SHISA9: variants seen among roughly 807,000 people sequenced by gnomAD.
SHISA9 encodes shisa family member 9.
In SHISA9, 13 loss-of-function variants were observed where a neutral mutation model predicts 38.0. The observed-to-expected ratio is 0.34, with a 90% CI of 0.22 to 0.54. The LOEUF is 0.54. SHISA9 is among the 20% of genes least tolerant of loss of function. The probability of loss-of-function intolerance (pLI) is 0.91; values close to 1 mark genes in which losing one functional copy is unlikely to be tolerated. For synonymous variants in SHISA9, 275 were observed against 242.0 expected (o/e 1.14, Z -1.27); for missense variants, 538 against 575.8 (o/e 0.93, Z 0.67).
chr16:13,213,042 C>G (rs1051263353), intron 3 of SHISA9, among the ~76,000 whole-genome samples: 4 of 152,142 alleles, frequency 2.6e-5, no homozygotes, highest in Admixed American at 1.3e-4. Context: ...TGGGTGTTAA[C>G]GTGAGGCTGC....
Position 13,173,151 on chromosome 16 carries a change from G to GCGCA in SHISA9, c.692-30241_692-30238dup, listed in dbSNP as rs1259932770. On this transcript the variant is annotated intron_variant, in intron 2 of 4. Coordinates refer to ENST00000558583, the MANE Select transcript of SHISA9 (RefSeq NM_001145204.3). ...TTTATCAGTCAGAAGAGATGCACGT[G>GCGCA]CGCACACACACACACACACACACAC... Among the ~76,000 whole-genome samples the GCGCA allele has an allele frequency of 7.7e-5, 3 of 38,914 alleles. No individual in the cohort carries two copies. The Admixed American group carries it at 9.1e-4, about 12-fold the overall frequency. 25.5% of individuals were successfully genotyped at this position (38,914 alleles called of 152,430 possible).
the SHISA9 span, among the ~76,000 whole-genome samples, chr16:13,553,874 C>G: frequency 6.6e-6 from 1 of 152,004 alleles, no homozygotes; most frequent in East Asian, 1.9e-4. Flanking sequence ...CTGGGGAGGC[C>G]CAGAAACATC....
the SHISA9 span, among the ~76,000 whole-genome samples, chr16:13,249,574 G>A: frequency 6.6e-6 from 1 of 152,116 alleles, no homozygotes; most frequent in East Asian, 1.9e-4. Flanking sequence ...GGCATCTAAT[G>A]GGGGAGGCAG....
At chr16:13,212,685 C>A (rs539426163) in intron 3 of SHISA9, among the ~76,000 whole-genome samples, 2 of 152,292 alleles carry the variant, frequency 1.3e-5, no homozygotes, top group East Asian at 3.9e-4. Context: ...GTCATATTTT[C>A]CAAACACAGA....
chr16:13,199,782 G>A (rs2050986193), intron 2 of SHISA9, among the ~76,000 whole-genome samples: 1 of 152,144 alleles, frequency 6.6e-6, no homozygotes, highest in South Asian at 2.1e-4. Context: ...ATAAGAAGGA[G>A]GTATTGGGAT....
At chr16:13,012,140 A>G (rs1209394733) in intron 2 of SHISA9, among the ~76,000 whole-genome samples, 1 of 148,618 alleles carries the variant, frequency 6.7e-6, no homozygotes, top group Non-Finnish European at 1.5e-5. Context: ...TTTTTTTCTT[A>G]TTTTTTAAGG....
chr16:13,214,367 A>C (rs1596738291), intron 4 of SHISA9, among the ~76,000 whole-genome samples: 1 of 151,922 alleles, frequency 6.6e-6, no homozygotes, highest in Non-Finnish European at 1.5e-5. Flanking sequence ...GTGCCCAGCT[A>C]ATTTTTGAAT....
chr16:12,929,465 AG>A (rs2071435733), intron 2 of SHISA9, among the ~76,000 whole-genome samples: 1 of 152,238 alleles, frequency 6.6e-6, no homozygotes, highest in Admixed American at 6.5e-5. Context: ...AGCCATAAAA[AG>A]GAACGAGATC....
the SHISA9 span, among the ~76,000 whole-genome samples, chr16:13,510,970 C>T: frequency 1.3e-5 from 2 of 152,154 alleles, no homozygotes; most frequent in East Asian, 3.9e-4. Flanking sequence ...TCTCTTCCTG[C>T]TTAGGCCGAT....
At chr16:13,387,817 G>A in the SHISA9 span, among the ~76,000 whole-genome samples, 4 of 152,038 alleles carry the variant, frequency 2.6e-5, no homozygotes, top group African/African-American at 4.8e-5. Flanking sequence ...CATTTTCACT[G>A]ATGAAAATGA....
the SHISA9 span, among the ~76,000 whole-genome samples, chr16:13,446,288 T>C: frequency 6.6e-6 from 1 of 152,122 alleles, no homozygotes; most frequent in Admixed American, 6.6e-5. Flanking sequence ...TTATTATTTA[T>C]ATTAACTAGG....
At chr16:13,450,910 C>A in the SHISA9 span, among the ~76,000 whole-genome samples, 3 of 152,262 alleles carry the variant, frequency 2.0e-5, no homozygotes, top group Admixed American at 6.5e-5. Context: ...TTAACAAATA[C>A]CCACGGAGAA....
chr16:13,491,398 T>TA, the SHISA9 span, among the ~76,000 whole-genome samples: 14 of 143,762 alleles, frequency 9.7e-5, no homozygotes, highest in African/African-American at 3.5e-4. Context: ...TTTTTTTTTT[T>TA]AACCTTTTGG....
At chr16:13,280,569 A>G in the SHISA9 span, among the ~76,000 whole-genome samples, 8 of 151,876 alleles carry the variant, frequency 5.3e-5, 1 homozygote, top group Middle Eastern at 0.017. Context: ...TTAGAAGTAT[A>G]TTGTTTATCA....
the SHISA9 span, among the ~76,000 whole-genome samples, chr16:13,497,933 A>G: frequency 6.6e-6 from 1 of 152,152 alleles, no homozygotes; most frequent in Admixed American, 6.5e-5. Context: ...AAATACGTGA[A>G]TAAAATCTTA....
chr16:13,437,866 T>C, the SHISA9 span, among the ~76,000 whole-genome samples: 78 of 2,960 alleles, frequency 0.026, no homozygotes, highest in African/African-American at 0.11. Context: ...TTTTTTTTCT[T>C]TTTTTTTTTT....
intron 2 of SHISA9, among the ~76,000 whole-genome samples, chr16:13,086,823 T>A (rs1219628837): frequency 6.7e-6 from 1 of 149,524 alleles, no homozygotes; most frequent in Non-Finnish European, 1.5e-5. Context: ...TATTTTTTAT[T>A]TTTTTAAAAT....
At chr16:12,983,581 C>A (rs1249737323) in intron 2 of SHISA9, among the ~76,000 whole-genome samples, 1 of 152,166 alleles carries the variant, frequency 6.6e-6, no homozygotes, top group Admixed American at 6.5e-5. Context: ...CTCTGCCTCT[C>A]AGGTTCACAC....
the SHISA9 span, among the ~76,000 whole-genome samples, chr16:13,263,937 C>T: frequency 1.3e-5 from 2 of 151,938 alleles, no homozygotes; most frequent in African/African-American, 2.4e-5. Flanking sequence ...AAAAAAAAAT[C>T]TTCCTTATAT....
Sources: gnomAD v4.1 joint callset for allele counts (sites outside exome capture counted in the v4.1 genomes callset) on GRCh38, gnomAD v4.1.1 for gene constraint, MANE v1.5 for transcripts, NCBI Gene and HGNC (gene_info 2026-07-23, HGNC 2026-07-21) for gene names.